The following KLB variants were observed in gnomAD, a reference collection of about 807,000 sequenced individuals.
KLB encodes the protein klotho beta.
KLB carries 44 observed loss-of-function variants against 88.4 expected under a neutral mutation model. The observed-to-expected ratio is 0.50, with a 90% CI of 0.39 to 0.64. KLB has a LOEUF of 0.64. Among genes scored for constraint, KLB ranks in the 30% least tolerant of loss-of-function variants. KLB has a pLI of 0.00. For missense variants in KLB, 1,137 were observed against 1,304.8 expected (o/e 0.87, Z 1.98); for synonymous variants, 548 against 513.4 (o/e 1.07, Z -0.91).
At chr4:39,419,325 C>A (rs1269622285) in intron 1 of KLB, among the ~76,000 whole-genome samples, 2 of 152,066 alleles carry the variant, frequency 1.3e-5, no homozygotes, top group Non-Finnish European at 2.9e-5. Flanking sequence ...GAAAATCAGA[C>A]CCAAATGGAG....
At chr4:39,411,894 A>G (rs910742703) in intron 1 of KLB, 4 of 151,650 alleles carry the variant, frequency 2.6e-5, no homozygotes, top group Non-Finnish European at 5.9e-5. Flanking sequence ...CAAATGCCAT[A>G]TGTTCTCTCA....
At chr4:39,417,576 T>C (rs990089055) in intron 1 of KLB, among the ~76,000 whole-genome samples, 1 of 152,128 alleles carries the variant, frequency 6.6e-6, no homozygotes, top group Non-Finnish European at 1.5e-5. Flanking sequence ...ATTACAGGCA[T>C]GAGCCATTGC....
chr4:39,427,108 G>C (rs1743234308), intron 1 of KLB, among the ~76,000 whole-genome samples: 1 of 152,192 alleles, frequency 6.6e-6, no homozygotes, highest in African/African-American at 2.4e-5. Flanking sequence ...ACTTAGGCTG[G>C]CGGATTGCTT....
At chr4:39,435,050 G>A (rs914655559) in intron 2 of KLB, among the ~76,000 whole-genome samples, 15 of 150,820 alleles carry the variant, frequency 9.9e-5, no homozygotes, top group Non-Finnish European at 1.8e-4. Context: ...TAAGTGATCC[G>A]CCCGCCTCAG....
Position 39,407,245 on chromosome 4 carries a change from G to T in KLB, c.296G>T (p.Ser99Ile). 6.2e-7 allele frequency: 1 copy of T among 1,614,158 alleles called. No individual in the cohort carries two copies. Among genetic ancestry groups the T allele is most frequent in the Non-Finnish European group, 8.5e-7 (1 of 1,180,010 alleles). The change falls in exon 1 of 5, where the codon AGT becomes ATT. Residue 99 changes from serine to isoleucine, a missense_variant. Physicochemically the swap from Ser to Ile is moderately radical, Grantham distance 142 (BLOSUM62 -2). Around this residue, in one of 4 missense-constraint regions of KLB, gnomAD observed 111 missense variants for 118.3 expected, o/e 0.94. Transcript: ENST00000257408. Reference protein sequence around the residue: ...IGTGALQVEGSWKKDGKGPSI... With the variant: ...IGTGALQVEGIWKKDGKGPSI... ...ACTGGAGCATTGCAAGTGGAAGGGA[G>T]TTGGAAGAAGGATGGAAAAGGACCT...
Position 39,407,049 on chromosome 4 carries a change from G to C in KLB, c.100G>C (p.Gly34Arg), listed in dbSNP as rs748780456. Residue 34 changes from glycine (G) to arginine (R), a missense_variant, in exon 1 of 5, where the codon GGA becomes CGA. By Grantham distance (125) the Gly-to-Arg change is moderately radical. Transcript: ENST00000257408. Reference sequence around the variant, plus strand: ...CTATAGGAATACAATGTCCAACGGGGGATTGCAAAGATCTGTCATCCTGTC... The same window carrying C: ...CTATAGGAATACAATGTCCAACGGGCGATTGCAAAGATCTGTCATCCTGTC... ...TRYRNTMSNG[G>R]LQRSVILSAL... 5.0e-6 allele frequency: 8 copies of C among 1,613,960 alleles called. No homozygotes were observed. The highest frequency in any genetic ancestry group is 1.6e-4 in the Middle Eastern group (1 of 6,062).
intron 1 of KLB, among the ~76,000 whole-genome samples, chr4:39,419,731 G>A (rs537606291): frequency 1.6e-4 from 23 of 143,634 alleles, no homozygotes; most frequent in Middle Eastern, 3.7e-3. Context: ...AGCCAAGATC[G>A]CACCACTGCA....
At chr4:39,414,858 G>A (rs1364317577) in intron 1 of KLB, among the ~76,000 whole-genome samples, 7 of 125,004 alleles carry the variant, frequency 5.6e-5, no homozygotes, top group African/African-American at 2.2e-4. Flanking sequence ...AACAGAGCAA[G>A]ACTCTGTCTC....
intron 1 of KLB, chr4:39,412,114 T>C (rs1021331324): frequency 3.3e-5 from 5 of 152,002 alleles, no homozygotes; most frequent in Admixed American, 2.0e-4. Flanking sequence ...TTGGATACAA[T>C]GTATACTCCT....
At chr4:39,434,791 T>C (rs1258135172) in intron 2 of KLB, 71 bp downstream of exon 2, 13 of 1,197,502 alleles carry the variant, frequency 1.1e-5, no homozygotes, top group African/African-American at 4.6e-5. Flanking sequence ...CACCTTTGAA[T>C]ATGTAACTAT....
At chr4:39,419,805 G>T (rs942194057) in intron 1 of KLB, among the ~76,000 whole-genome samples, 1 of 148,646 alleles carries the variant, frequency 6.7e-6, no homozygotes. Context: ...TTAGCTGGGC[G>T]TAGTGGTGGG....
intron 1 of KLB, among the ~76,000 whole-genome samples, chr4:39,417,484 T>C (rs1742989587): frequency 6.6e-6 from 1 of 152,188 alleles, no homozygotes; most frequent in Non-Finnish European, 1.5e-5. Context: ...TGGCTAATTT[T>C]GTATTTTTGG....
At position 39,447,231 on chromosome 4, in the gene KLB, G is replaced by A. The variant is rs1743773032; in HGVS notation, c.2505G>A (p.Gln835=). Residue 835 remains glutamine, a synonymous_variant, in exon 4 of 5, where the codon CAG becomes CAA. Coordinates refer to ENST00000257408, the MANE Select transcript of KLB (RefSeq NM_175737.4). ...HFTTRFVMHE[Q]LAGSRYDSDR... The stretch of plus-strand genomic sequence containing the variant: ...CCACTAGGTTCGTGATGCACGAGCA[G>A]CTGGCCGGCAGCCGCTACGACTCGG... 1 of 1,614,002 alleles carries A rather than the reference G, an allele frequency of 6.2e-7. No individual in the cohort carries two copies.
At chr4:39,430,608 T>C (rs1209967389) in intron 1 of KLB, among the ~76,000 whole-genome samples, 2 of 143,288 alleles carry the variant, frequency 1.4e-5, no homozygotes, top group African/African-American at 5.2e-5. Context: ...TTTTTTTTTT[T>C]TTTTTTTTTT....
chr4:39,438,092 T>C, intron 3 of KLB, 97 bp downstream of exon 3: 4 of 1,113,588 alleles, frequency 3.6e-6, no homozygotes, highest in Non-Finnish European at 5.1e-6. Flanking sequence ...TCAGACAATA[T>C]CAAATACCAC....
At chr4:39,409,274 T>C (rs1222122066) in intron 1 of KLB, among the ~76,000 whole-genome samples, 2 of 150,852 alleles carry the variant, frequency 1.3e-5, no homozygotes, top group African/African-American at 4.9e-5. Flanking sequence ...AATATTCCTC[T>C]CATTTAGTCC....
Position 39,446,230 on chromosome 4 carries a change from G to C in KLB, c.1606-102G>C, listed in dbSNP as rs1399071294. On this transcript the variant is annotated intron_variant, in intron 3 of 4. Transcript: ENST00000257408. This position sits in a 1 kb window ranked among gnomAD's most constrained non-coding sequence, Gnocchi z 6.4. ...TCAAGGGCTGGAATAGGCCTGGCGT[G>C]GTGGCCTGTAATCCCAGCACTTTGG... The C allele has an allele frequency of 9.7e-7, 1 of 1,027,806 alleles. No homozygotes were observed. The highest frequency in any genetic ancestry group is 1.6e-5 in the African/African-American group (1 of 62,802). The allele number at this position is 1,027,806 out of a possible 1,614,324, so 63.7% of individuals were successfully genotyped here.
At chr4:39,427,354 G>A (rs148692097) in intron 1 of KLB, among the ~76,000 whole-genome samples, 14,811 of 151,794 alleles carry the variant, frequency 0.098, 870 homozygotes, top group Middle Eastern at 0.14. Flanking sequence ...GTGGTGGCAG[G>A]TACCTGTAGT....
At chr4:39,414,922 A>G (rs772372878) in intron 1 of KLB, among the ~76,000 whole-genome samples, 1 of 151,490 alleles carries the variant, frequency 6.6e-6, no homozygotes, top group East Asian at 1.9e-4. Flanking sequence ...AAAATGTTAT[A>G]TAAGCAACGT....
Sources: gnomAD v4.1 joint callset for allele counts (sites outside exome capture counted in the v4.1 genomes callset) on GRCh38, gnomAD v4.1.1 for gene constraint, gnomAD v4.1.1 regional missense constraint, Gnocchi (gnomAD v3.1) non-coding constraint, MANE v1.5 for transcripts, NCBI Gene and HGNC (gene_info 2026-07-23, HGNC 2026-07-21) for gene names.